The following SPATA2L variants were observed in gnomAD, a reference collection of about 807,000 sequenced individuals.
SPATA2L encodes the protein spermatogenesis-associated protein 2-like protein.
In SPATA2L, 5 loss-of-function variants were observed where a neutral mutation model predicts 8.7. The ratio of observed to expected loss-of-function variants is 0.57; its 90% CI spans 0.30 to 1.21. SPATA2L has a LOEUF of 1.21. Among genes scored for constraint, SPATA2L ranks in the 50% most tolerant of loss-of-function variants. SPATA2L has a pLI of 0.07. For synonymous variants in SPATA2L, 358 were observed against 275.8 expected (o/e 1.30, Z -2.95); for missense variants, 671 against 591.0 (o/e 1.14, Z -1.40).
At chr16:89,700,015 CG>C (rs759758509) in intron 2 of SPATA2L, among the ~76,000 whole-genome samples, 1 of 152,202 alleles carries the variant, frequency 6.6e-6, no homozygotes, top group Non-Finnish European at 1.5e-5. Flanking sequence ...GCACTGAGCT[CG>C]GGGCTTTGAT....
At chr16:89,700,372 T>C (rs539854961) in intron 2 of SPATA2L, among the ~76,000 whole-genome samples, 49 of 152,248 alleles carry the variant, frequency 3.2e-4, no homozygotes, top group Admixed American at 1.8e-3. Context: ...CTCTTCCGAA[T>C]TAGCTCAGAG....
chr16:89,701,049 A>G lies in SPATA2L; in HGVS notation c.184T>C (p.Trp62Arg). ...DALALLTDGL[W>R]GRADLAPALR... ...GCGGGCGCCAGGTCGGCGCGGCCCC[A>G]CAGCCCGTCGGTGAGCAGAGCCAGC... The change falls in exon 2 of 3, where the codon TGG (tryptophan) becomes CGG (arginine). Residue 62 changes from tryptophan (W) to arginine (R), a missense_variant. Transcript: ENST00000289805. The G allele has an allele frequency of 6.4e-7, 1 of 1,572,494 alleles. No homozygotes were observed.
At chr16:89,700,706 T>C (rs1369609696) in intron 2 of SPATA2L, among the ~76,000 whole-genome samples, 2 of 152,150 alleles carry the variant, frequency 1.3e-5, no homozygotes, top group East Asian at 3.9e-4. Context: ...CAGGACCCCG[T>C]AGGCAGCACC....
chr16:89,699,013 C>G (rs1476978472), intron 2 of SPATA2L, among the ~76,000 whole-genome samples: 1 of 151,920 alleles, frequency 6.6e-6, no homozygotes, highest in Non-Finnish European at 1.5e-5. Flanking sequence ...GTCTTGATCC[C>G]TTGACCTCAT....
Position 89,696,853 on chromosome 16 carries a change from G to T in SPATA2L, c.*481C>A. The T allele has an allele frequency of 3.3e-6, 5 of 1,535,408 alleles. No homozygotes were observed. The African/African-American group carries it at 5.5e-5, about 17-fold the overall frequency. ...GCACCCGGCAGAGCCCCGCAGATTG[G>T]CTCCAGCAGAGCTTGGGGTGGGGGG... On this transcript the variant is annotated 3_prime_UTR_variant, in exon 3 of 3. Coordinates refer to ENST00000289805, the MANE Select transcript of SPATA2L (RefSeq NM_152339.4).
At chr16:89,701,261 AG>A (rs1215869376) in intron 1 of SPATA2L, 28 bp from the exon 2 acceptor site, 2 of 1,386,516 alleles carry the variant, frequency 1.4e-6, no homozygotes, top group African/African-American at 3.0e-5. Context: ...CGGGGGGGTC[AG>A]GGACCTAAGG....
At position 89,700,794 on chromosome 16, in the gene SPATA2L, G is replaced by A. The variant is rs866117974; in HGVS notation, c.303+136C>T. The A allele has an allele frequency of 1.9e-4, 189 of 978,978 alleles. 1 individual carries two copies. The highest frequency in any genetic ancestry group is 1.0e-3 in the Middle Eastern group (3 of 2,900). 60.6% of individuals were successfully genotyped at this position (978,978 alleles called of 1,614,324 possible). On this transcript the variant is annotated intron_variant, in intron 2 of 2. Transcript: ENST00000289805. ...ACACGCCCACGACCCCTCAGCGCTC[G>A]GAGCCTTGAGGAGCCCACCAGGCAC...
At position 89,697,329 on chromosome 16, in the gene SPATA2L, C is replaced by G. The variant is rs375731389; in HGVS notation, c.*5G>C. On this transcript the variant is annotated 3_prime_UTR_variant, in exon 3 of 3. Coordinates refer to ENST00000289805, the MANE Select transcript of SPATA2L (RefSeq NM_152339.4). ...CAAGAGCCCTTGACCTGGGGCCCAG[C>G]TGGCCTAGGGCCGGGCCCCGGGGCT... The G allele has an allele frequency of 4.5e-5, 68 of 1,499,822 alleles. No individual in the cohort carries two copies. Among genetic ancestry groups the G allele is most frequent in the East Asian group, 1.6e-4 (7 of 43,392 alleles). 92.9% of individuals were successfully genotyped at this position (1,499,822 alleles called of 1,614,324 possible). A position where few individuals can be genotyped will look rare whatever the true frequency, so the allele number is the denominator to read the frequency against.
intron 2 of SPATA2L, among the ~76,000 whole-genome samples, chr16:89,700,235 A>G (rs1370317825): frequency 6.6e-6 from 1 of 152,178 alleles, no homozygotes; most frequent in Non-Finnish European, 1.5e-5. Flanking sequence ...GTCCTCTCTC[A>G]TGAATGAAAG....
chr16:89,696,651 G>C lies in SPATA2L; in HGVS notation c.*683C>G, dbSNP rs979808729. The C allele has an allele frequency of 1.8e-4, 167 of 906,976 alleles. No individual in the cohort carries two copies. Among genetic ancestry groups the C allele is most frequent in the Non-Finnish European group, 2.6e-4 (160 of 613,726 alleles). The allele number at this position is 906,976 out of a possible 1,614,324, so 56.2% of individuals were successfully genotyped here. On this transcript the variant is annotated 3_prime_UTR_variant, in exon 3 of 3. Coordinates refer to ENST00000289805, the MANE Select transcript of SPATA2L (RefSeq NM_152339.4). The stretch of plus-strand genomic sequence containing the variant: ...CGCCGCCTGGGCGGGCTGTCCACAG[G>C]CCCTTCCGCCCAGCAGCAGTGACGC...
At chr16:89,698,437 CT>C in intron 2 of SPATA2L, 132 bp from the exon 3 acceptor site, 1 of 663,748 alleles carries the variant, frequency 1.5e-6, no homozygotes, top group Non-Finnish European at 2.3e-6. Context: ...AGAGACTAGG[CT>C]TAGCCAGCTT....
rs2060726851 is a variant in SPATA2L, at chr16:89,696,640, G to C, written c.*694C>G. The C allele has an allele frequency of 2.6e-6, 2 of 782,372 alleles. No homozygotes were observed. The highest frequency in any genetic ancestry group is 3.5e-5 in the African/African-American group (2 of 56,364). The allele number at this position is 782,372 out of a possible 1,614,324, so 48.5% of individuals were successfully genotyped here. On this transcript the variant is annotated 3_prime_UTR_variant, in exon 3 of 3. Transcript: ENST00000289805. ...CACCAAGACCCCGCCGCCTGGGCGG[G>C]CTGTCCACAGGCCCTTCCGCCCAGC...
Position 89,697,383 on chromosome 16 carries a change from C to A in SPATA2L, c.1226G>T (p.Arg409Leu). Reference protein sequence around the residue: ...GDAQRRLWLQRAQMDTLLYNS... With the variant: ...GDAQRRLWLQLAQMDTLLYNS... ...GTAGAGCAGAGTGTCCATCTGTGCA[C>A]GCTGTAGCCACAAGCGCCGCTGGGC... The change falls in exon 3 of 3, where the codon CGT (arginine) becomes CTT (leucine). Residue 409 changes from arginine to leucine, a missense_variant. Transcript: ENST00000289805. The A allele has an allele frequency of 6.3e-7, 1 of 1,586,242 alleles. No individual in the cohort carries two copies. The highest frequency in any genetic ancestry group is 8.6e-7 in the Non-Finnish European group (1 of 1,166,286).
Position 89,696,549 on chromosome 16 carries a change from C to G in SPATA2L, c.*785G>C, listed in dbSNP as rs1037268705. 9 of 462,340 alleles carry G rather than the reference C, an allele frequency of 1.9e-5. No individual in the cohort carries two copies. The highest frequency in any genetic ancestry group is 3.5e-5 in the Non-Finnish European group (9 of 259,748). The allele number at this position is 462,340 out of a possible 1,614,324, so 28.6% of individuals were successfully genotyped here. On this transcript the variant is annotated 3_prime_UTR_variant, in exon 3 of 3. Transcript: ENST00000289805. ...AGACCCGAGGGTAGGGCAGAGGCACCTCCTCGCCAGCCTGTGGGCTGCACC... is the reference window on the plus strand; with the variant it reads ...AGACCCGAGGGTAGGGCAGAGGCACGTCCTCGCCAGCCTGTGGGCTGCACC...
chr16:89,699,313 C>T (rs983096121), intron 2 of SPATA2L, among the ~76,000 whole-genome samples: 1 of 152,006 alleles, frequency 6.6e-6, no homozygotes, highest in Non-Finnish European at 1.5e-5. Flanking sequence ...GTAGTCCCCC[C>T]TTTTTTTTCA....
At chr16:89,700,724 G>C (rs1232755628) in intron 2 of SPATA2L, among the ~76,000 whole-genome samples, 1 of 152,282 alleles carries the variant, frequency 6.6e-6, no homozygotes, top group East Asian at 1.9e-4. Flanking sequence ...ACCCAAGCCT[G>C]CCCTCGCCCA....
rs753131992 is a variant in SPATA2L at position 89,698,208 on chromosome 16, C to T, written c.401G>A (p.Ser134Asn). 4 of 1,613,044 alleles carry T rather than the reference C, an allele frequency of 2.5e-6. No individual in the cohort carries two copies. The highest frequency in any genetic ancestry group is 1.7e-5 in the Admixed American group (1 of 59,986). ...FQKMGYVRRD[S>N]HRLMVTALPP... Reference sequence around the variant, plus strand: ...CAGGGCGGTCACCATGAGCCGATGGCTGTCTCTGCGTACGTAGCCCATCTT... The same window carrying T: ...CAGGGCGGTCACCATGAGCCGATGGTTGTCTCTGCGTACGTAGCCCATCTT... Residue 134 changes from serine (S) to asparagine (N), a missense_variant, in exon 3 of 3, where the codon AGC becomes AAC. Ser to Asn is a conservative substitution (Grantham distance 46). Coordinates refer to ENST00000289805, the MANE Select transcript of SPATA2L (RefSeq NM_152339.4).
At chr16:89,699,491 G>A (rs538474827) in intron 2 of SPATA2L, among the ~76,000 whole-genome samples, 10 of 152,156 alleles carry the variant, frequency 6.6e-5, no homozygotes, top group East Asian at 3.9e-4. Flanking sequence ...TGTTTTCAGC[G>A]CTCTCCAGAG....
chr16:89,697,344 G>T lies in SPATA2L; in HGVS notation c.1265C>A (p.Ala422Asp), dbSNP rs1375576516. ...TGGGGCCCAGCTGGCCTAGGGCCGG[G>T]CCCCGGGGCTGTTGTAGAGCAGAGT... ...MDTLLYNSPG[A>D]RP Residue 422 changes from alanine to aspartate, a missense_variant, in exon 3 of 3, where the codon GCC becomes GAC. Coordinates refer to ENST00000289805, the MANE Select transcript of SPATA2L (RefSeq NM_152339.4). 2 of 1,513,422 alleles carry T rather than the reference G, an allele frequency of 1.3e-6. No individual in the cohort carries two copies. The highest frequency in any genetic ancestry group is 2.7e-5 in the South Asian group (2 of 74,620). 93.7% of individuals were successfully genotyped at this position (1,513,422 alleles called of 1,614,324 possible). A position where few individuals can be genotyped will look rare whatever the true frequency, so the allele number is the denominator to read the frequency against.
Sources: allele counts gnomAD v4.1 joint callset (sites outside exome capture counted in the v4.1 genomes callset), GRCh38; gene constraint gnomAD v4.1.1; transcripts MANE v1.5; gene names NCBI Gene and HGNC (gene_info 2026-07-23, HGNC 2026-07-21).